SAMD8: variants seen among roughly 807,000 people sequenced by gnomAD.
The protein encoded by SAMD8 is sphingomyelin synthase-related protein 1.
Under a neutral mutation model 42.0 loss-of-function variants are expected in SAMD8, and 20 were observed. The ratio of observed to expected loss-of-function variants is 0.48; its 90% CI spans 0.34 to 0.69. The LOEUF is 0.69. Among genes scored for constraint, SAMD8 ranks in the 30% least tolerant of loss-of-function variants. The pLI, the probability that SAMD8 is intolerant of heterozygous loss-of-function variation, is 0.01. For synonymous variants in SAMD8, 162 were observed against 173.0 expected, an observed-to-expected ratio of 0.94 and a Z score of 0.50; for missense variants, 328 against 511.6, an observed-to-expected ratio of 0.64 and a Z score of 3.46.
At chr10:75,111,542 C>A, upstream of SAMD8, 3 of 1,234,922 alleles carry the variant, frequency 2.4e-6, no homozygotes, top group Non-Finnish European at 3.0e-6. Flanking sequence ...TGACGGCGGC[C>A]GGGACGATGC....
chr10:75,141,554 T>C (rs1400519237), intron 1 of SAMD8, among the ~76,000 whole-genome samples: 3 of 151,006 alleles, frequency 2.0e-5, no homozygotes, highest in Admixed American at 6.6e-5. Flanking sequence ...TTTTTTTTTT[T>C]TCCTCGAGAT....
At chr10:75,164,981 C>T (rs1475555726) in intron 3 of SAMD8, among the ~76,000 whole-genome samples, 1 of 152,156 alleles carries the variant, frequency 6.6e-6, no homozygotes. Flanking sequence ...TATGGCTGAT[C>T]GTGCTCATCT....
chr10:75,171,025 T>C (rs897508961), intron 4 of SAMD8, among the ~76,000 whole-genome samples: 1 of 151,696 alleles, frequency 6.6e-6, no homozygotes, highest in Non-Finnish European at 1.5e-5. Flanking sequence ...CCTCCCAAAG[T>C]GTTGGGATTA....
chr10:75,163,324 G>A (rs890790634), intron 2 of SAMD8, among the ~76,000 whole-genome samples: 1 of 152,182 alleles, frequency 6.6e-6, no homozygotes, highest in African/African-American at 2.4e-5. Flanking sequence ...TAAAAGAAAC[G>A]TCAATAATTC....
chr10:75,121,864 G>A (rs1849013080), intron 1 of SAMD8, among the ~76,000 whole-genome samples: 1 of 151,956 alleles, frequency 6.6e-6, no homozygotes, highest in African/African-American at 2.4e-5. Flanking sequence ...GCTAATTTTT[G>A]TATTTTTAAT....
chr10:75,117,195 G>T (rs181654826), intron 1 of SAMD8, among the ~76,000 whole-genome samples: 1 of 151,770 alleles, frequency 6.6e-6, no homozygotes, highest in Non-Finnish European at 1.5e-5. Flanking sequence ...AGCTGAGGTG[G>T]GTGGATCCCT....
At chr10:75,167,140 T>G (rs922089866) in intron 3 of SAMD8, among the ~76,000 whole-genome samples, 1 of 152,226 alleles carries the variant, frequency 6.6e-6, no homozygotes, top group Admixed American at 6.5e-5. Flanking sequence ...AATTTTTATT[T>G]GATATATACT....
chr10:75,172,011 G>A (rs112561418), intron 4 of SAMD8, among the ~76,000 whole-genome samples: 13,479 of 149,640 alleles, frequency 0.09, 661 homozygotes, highest in Middle Eastern at 0.14. Context: ...GGGTGACAGA[G>A]CGAGACTCCA....
chr10:75,103,896 G>C, intron 1 of SAMD8: 1 of 1,308,532 alleles, frequency 7.6e-7, no homozygotes, highest in Non-Finnish European at 1.0e-6. Flanking sequence ...ACTCCCACCT[G>C]TGGAGACTGA....
At chr10:75,153,170 C>T (rs1163869977) in intron 2 of SAMD8, among the ~76,000 whole-genome samples, 5 of 151,916 alleles carry the variant, frequency 3.3e-5, no homozygotes, top group South Asian at 4.2e-4. Context: ...TTAGTAGAGA[C>T]GAGGTTTCAC....
chr10:75,134,183 T>G (rs1849333112), intron 1 of SAMD8, among the ~76,000 whole-genome samples: 1 of 151,934 alleles, frequency 6.6e-6, no homozygotes, highest in Non-Finnish European at 1.5e-5. Context: ...GGCCTGTCAG[T>G]GGGGGGCAGC....
intron 4 of SAMD8, among the ~76,000 whole-genome samples, chr10:75,171,331 T>G (rs1222026680): frequency 1.3e-5 from 2 of 151,496 alleles, no homozygotes; most frequent in African/African-American, 4.8e-5. Flanking sequence ...CATGCATGGC[T>G]AATTTTTTTG....
intron 1 of SAMD8, among the ~76,000 whole-genome samples, chr10:75,114,462 A>G (rs1848833568): frequency 6.6e-6 from 1 of 152,198 alleles, no homozygotes; most frequent in Admixed American, 6.5e-5. Flanking sequence ...GCAAAAGCTT[A>G]TTCACATTGC....
chr10:75,158,466 C>A lies in SAMD8; in HGVS notation c.579-6179C>A, dbSNP rs889171663. Among the ~76,000 whole-genome samples, 5 of 151,848 alleles carry A rather than the reference C, an allele frequency of 3.3e-5. No homozygotes were observed. The South Asian group carries it at 1.0e-3, about 32-fold the overall frequency. On this transcript the variant is annotated intron_variant, in intron 2 of 5. Coordinates refer to ENST00000542569, the MANE Select transcript of SAMD8 (RefSeq NM_001174156.2). ...AATTAGCCGGGCGTGGTGGCATGCTCCTTTAGTCCCAGCTACTCCAGAGGC... is the reference window on the plus strand; with the variant it reads ...AATTAGCCGGGCGTGGTGGCATGCTACTTTAGTCCCAGCTACTCCAGAGGC...
chr10:75,111,542 C>T (rs555516626), upstream of SAMD8: 284 of 1,234,922 alleles, frequency 2.3e-4, 2 homozygotes, highest in South Asian at 4.5e-3. Context: ...TGACGGCGGC[C>T]GGGACGATGC....
At chr10:75,164,838 C>T in intron 3 of SAMD8, 98 bp downstream of exon 3, 1 of 879,854 alleles carries the variant, frequency 1.1e-6, no homozygotes, top group Non-Finnish European at 1.9e-6. Flanking sequence ...TTGTTAATTT[C>T]CTTCTCTGGT....
chr10:75,109,129 C>A, upstream of SAMD8: 2 of 1,606,476 alleles, frequency 1.2e-6, no homozygotes, highest in Non-Finnish European at 1.7e-6. Context: ...GTCCTCTCCC[C>A]CCAGCTCTGG....
rs539160461 is a variant in SAMD8, at chr10:75,177,195, A to G, written c.*503A>G. 6.5e-6 allele frequency: 1 copy of G among 153,718 alleles called. No homozygotes were observed. Among genetic ancestry groups the G allele is most frequent in the African/African-American group, 2.4e-5 (1 of 41,586 alleles). The allele number at this position is 153,718 out of a possible 1,614,324, so 9.5% of individuals were successfully genotyped here. A position where few individuals can be genotyped will look rare whatever the true frequency, so the allele number is the denominator to read the frequency against. On this transcript the variant is annotated 3_prime_UTR_variant, in exon 6 of 6. Coordinates refer to ENST00000542569, the MANE Select transcript of SAMD8 (RefSeq NM_001174156.2). ...CTGGGACATGATCTGTTTTACTGACAAAGAGTTTTTGCCTTCTGAACCATC... is the reference window on the plus strand; with the variant it reads ...CTGGGACATGATCTGTTTTACTGACGAAGAGTTTTTGCCTTCTGAACCATC...
In SAMD8 at chr10:75,106,047, G is replaced by GTTCTGC. The variant is rs1049180890; in HGVS notation, c.-16+6320_-16+6325dup. Among the ~76,000 whole-genome samples the GTTCTGC allele has an allele frequency of 1.6e-4, 24 of 149,932 alleles. 1 individual carries two copies. The highest frequency in any genetic ancestry group is 7.4e-5 in the African/African-American group (3 of 40,734). On this transcript the variant is annotated intron_variant, in intron 1 of 3. Transcript: ENST00000447533. ...CGGTAAAATGGGTAGATCAACACCT[G>GTTCTGC]TTCTGCCTACCCTTGGGATAGGGTC...
Sources: allele counts gnomAD v4.1 joint callset (sites outside exome capture counted in the v4.1 genomes callset), GRCh38; gene constraint gnomAD v4.1.1; transcripts MANE v1.5; gene names NCBI Gene and HGNC (gene_info 2026-07-23, HGNC 2026-07-21).